Variants in RBFOX1 observed in about 807,000 individuals in gnomAD.
RBFOX1 encodes RNA binding protein fox-1 homolog 1.
Under a neutral mutation model 57.7 loss-of-function variants are expected in RBFOX1, and 8 were observed. The ratio of observed to expected loss-of-function variants is 0.14; its 90% CI spans 0.08 to 0.25. The LOEUF is 0.25. RBFOX1 is among the 10% of genes least tolerant of loss of function. The pLI, the probability that RBFOX1 is intolerant of heterozygous loss-of-function variation, is 1.00. For missense variants in RBFOX1, 611 were observed against 548.5 expected (o/e 1.11, Z -1.14); for synonymous variants, 326 against 222.4 (o/e 1.47, Z -4.15).
chr16:5,351,131 C>T (rs978302742), intron 1 of RBFOX1, among the ~76,000 whole-genome samples: 1 of 152,162 alleles, frequency 6.6e-6, no homozygotes, highest in Admixed American at 6.5e-5. Context: ...CCATCTGATA[C>T]CCTCATTTTG....
intron 3 of RBFOX1, among the ~76,000 whole-genome samples, chr16:6,890,858 T>C (rs2065247680): frequency 2.0e-5 from 3 of 152,180 alleles, no homozygotes; most frequent in Admixed American, 2.0e-4. Context: ...GCAGACTCAG[T>C]AGAACTCTAA....
intron 2 of RBFOX1, among the ~76,000 whole-genome samples, chr16:5,561,564 A>G (rs188433150): frequency 9.1e-4 from 138 of 152,306 alleles, no homozygotes; most frequent in African/African-American, 3.2e-3. Context: ...GTCAGGCCCT[A>G]TTAGACACCA....
chr16:6,817,964 T>C (rs7184490), intron 3 of RBFOX1, among the ~76,000 whole-genome samples: 79,198 of 151,938 alleles, frequency 0.52, 20,849 homozygotes, highest in African/African-American at 0.58. Context: ...TGAGATGATC[T>C]GGTTTTAAAC....
chr16:5,999,878 A>G (rs2060560654), intron 4 of RBFOX1, among the ~76,000 whole-genome samples: 1 of 27,460 alleles, frequency 3.6e-5, no homozygotes, highest in African/African-American at 1.6e-4. Flanking sequence ...AAAAAAAAAA[A>G]AAAAAAAAAA....
intron 3 of RBFOX1, among the ~76,000 whole-genome samples, chr16:5,669,395 C>T (rs1567373499): frequency 6.7e-6 from 1 of 149,858 alleles, no homozygotes; most frequent in Admixed American, 6.6e-5. Context: ...TAGAGCAGTC[C>T]TGCCAAAGAG....
At chr16:7,287,268 G>A (rs1428875931) in intron 4 of RBFOX1, among the ~76,000 whole-genome samples, 1 of 152,174 alleles carries the variant, frequency 6.6e-6, no homozygotes, top group Non-Finnish European at 1.5e-5. Flanking sequence ...ATAGAAATGA[G>A]GTTTTCCCGA....
intron 4 of RBFOX1, among the ~76,000 whole-genome samples, chr16:7,079,471 C>G (rs567281712): frequency 1.1e-3 from 171 of 152,264 alleles, no homozygotes; most frequent in South Asian, 2.1e-3. Context: ...GCAGCACAAG[C>G]AAGAATAGAG....
chr16:7,373,801 C>G (rs957747485), intron 4 of RBFOX1, among the ~76,000 whole-genome samples: 1 of 152,186 alleles, frequency 6.6e-6, no homozygotes, highest in Non-Finnish European at 1.5e-5. Flanking sequence ...TGGAAACATT[C>G]ACAGAGCAAC....
intron 3 of RBFOX1, among the ~76,000 whole-genome samples, chr16:5,727,502 C>G (rs2151551001): frequency 6.6e-6 from 1 of 152,296 alleles, no homozygotes; most frequent in Middle Eastern, 3.4e-3. Context: ...GTGTGTATAT[C>G]TACTCTCTTT....
At chr16:6,601,779 A>T (rs1217027110) in intron 2 of RBFOX1, among the ~76,000 whole-genome samples, 1 of 152,224 alleles carries the variant, frequency 6.6e-6, no homozygotes, top group East Asian at 1.9e-4. Flanking sequence ...GAGTTTAACC[A>T]AAGCAAACAG....
At chr16:5,495,853 T>C (rs1221604835) in intron 2 of RBFOX1, among the ~76,000 whole-genome samples, 1 of 152,224 alleles carries the variant, frequency 6.6e-6, no homozygotes, top group Non-Finnish European at 1.5e-5. Context: ...GGGCTGAGCA[T>C]GGTGGCTCAC....
intron 4 of RBFOX1, among the ~76,000 whole-genome samples, chr16:7,447,259 C>T (rs545860343): frequency 2.0e-5 from 3 of 151,656 alleles, no homozygotes; most frequent in African/African-American, 7.3e-5. Context: ...TGGGGAAACC[C>T]CCATCTCTAC....
At chr16:5,989,279 C>T (rs1321506567) in intron 4 of RBFOX1, among the ~76,000 whole-genome samples, 1 of 151,826 alleles carries the variant, frequency 6.6e-6, no homozygotes, top group East Asian at 1.9e-4. Flanking sequence ...TACAGTGAGC[C>T]GAGATGGCGC....
intron 5 of RBFOX1, among the ~76,000 whole-genome samples, chr16:7,519,186 T>G (rs1043814662): frequency 6.6e-5 from 10 of 152,154 alleles, no homozygotes; most frequent in Non-Finnish European, 1.3e-4. Flanking sequence ...TAAATACAAA[T>G]CTTGTGCCCC....
At position 5,724,832 on chromosome 16, in the gene RBFOX1, C is replaced by T. The variant is rs1873418790; in HGVS notation, c.318+125871C>T. On this transcript the variant is annotated intron_variant, in intron 3 of 19. Coordinates refer to the RBFOX1 transcript ENST00000641259. The stretch of plus-strand genomic sequence containing the variant: ...ACCAGCCCACTAACATAGATGGTAT[C>T]CCCGCCTTCCTGGAAAAATGAAAGT... Among the ~76,000 whole-genome samples, 4 of 152,154 alleles carry T rather than the reference C, an allele frequency of 2.6e-5. No homozygotes were observed. The South Asian group carries it at 8.3e-4, about 32-fold the overall frequency.
chr16:5,379,707 C>G (rs144335479), intron 1 of RBFOX1, among the ~76,000 whole-genome samples: 9 of 152,102 alleles, frequency 5.9e-5, no homozygotes, highest in East Asian at 1.9e-4. Context: ...TCTGGAGGAC[C>G]CTGGGGGTCT....
chr16:7,198,954 C>G (rs2087535476), intron 4 of RBFOX1, among the ~76,000 whole-genome samples: 1 of 152,144 alleles, frequency 6.6e-6, no homozygotes, highest in African/African-American at 2.4e-5. Context: ...AGGAGAACCC[C>G]TGAAATCAAC....
intron 3 of RBFOX1, among the ~76,000 whole-genome samples, chr16:5,786,499 C>A (rs9927324): frequency 0.35 from 53,800 of 151,996 alleles, 10,298 homozygotes; most frequent in East Asian, 0.55. Flanking sequence ...GGAGATGTGC[C>A]GTGTGTCAGG....
At chr16:7,477,041 G>C (rs999866093) in intron 4 of RBFOX1, among the ~76,000 whole-genome samples, 1 of 152,096 alleles carries the variant, frequency 6.6e-6, no homozygotes. Context: ...GGCTGGAACC[G>C]TGGGTAACAT....
Sources: gnomAD v4.1 joint callset for allele counts (sites outside exome capture counted in the v4.1 genomes callset) on GRCh38, gnomAD v4.1.1 for gene constraint, MANE v1.5 for transcripts, NCBI Gene and HGNC (gene_info 2026-07-23, HGNC 2026-07-21) for gene names.